The following CCR9 variants were observed in gnomAD, a reference collection of about 807,000 sequenced individuals.
CCR9 encodes C-C motif chemokine receptor 9.
A neutral mutation model predicts 8.7 loss-of-function variants in CCR9; 4 were observed. That is an observed-to-expected ratio of 0.46 (90% CI 0.23 to 1.06). CCR9 has a LOEUF of 1.06. Among genes scored for constraint, CCR9 ranks in the 50% least tolerant of loss-of-function variants. CCR9 has a pLI of 0.21. For synonymous variants in CCR9, 159 were observed against 168.8 expected (o/e 0.94, Z 0.45); for missense variants, 394 against 453.6 (o/e 0.87, Z 1.19).
At chr3:45,899,680 G>A (rs934249483) in intron 2 of CCR9, among the ~76,000 whole-genome samples, 1 of 152,176 alleles carries the variant, frequency 6.6e-6, no homozygotes, top group African/African-American at 2.4e-5. Context: ...AAGGAAACTG[G>A]TGGGAAGTGA....
chr3:45,887,274 T>TGA (rs1437934685), intron 1 of CCR9, among the ~76,000 whole-genome samples: 1 of 151,752 alleles, frequency 6.6e-6, no homozygotes, highest in Non-Finnish European at 1.5e-5. Flanking sequence ...TGTGTGTGTG[T>TGA]GAGGTTGTGT....
chr3:45,893,030 C>T (rs369139597), intron 1 of CCR9, among the ~76,000 whole-genome samples: 24 of 152,156 alleles, frequency 1.6e-4, no homozygotes, highest in East Asian at 9.6e-4. Flanking sequence ...TAAGTTCTGA[C>T]GTACATACAC....
At chr3:45,897,643 C>T in intron 2 of CCR9, 1 of 1,527,514 alleles carries the variant, frequency 6.5e-7, no homozygotes, top group Non-Finnish European at 8.8e-7. Flanking sequence ...CCAGGACTAA[C>T]ACAGCTAAGT....
At chr3:45,894,773 C>A in intron 1 of CCR9, 133 bp from the exon 2 acceptor site, 1 of 683,070 alleles carries the variant, frequency 1.5e-6, no homozygotes. Context: ...ACTATATAGA[C>A]TCTAACTCCT....
rs36040178 is a variant in CCR9 at position 45,887,251 on chromosome 3, CTGTGTGTG to C, written c.-29+613_-29+620del. 6.8e-3 allele frequency among the ~76,000 whole-genome samples: 1,010 copies of C among 149,214 alleles called. 13 individuals are homozygous for C. Among genetic ancestry groups the C allele is most frequent in the African/African-American group, 0.023 (950 of 40,706 alleles). On this transcript the variant is annotated intron_variant, in intron 1 of 2. Transcript: ENST00000357632. ...TCCTTTCTATTAAGTGCGTGTGTGT[CTGTGTGTG>C]TGTGTGTGTGTGTGTGAGGTTGTGT...
At chr3:45,890,497 A>AT (rs1157379129) in intron 1 of CCR9, among the ~76,000 whole-genome samples, 4 of 150,206 alleles carry the variant, frequency 2.7e-5, no homozygotes, top group Non-Finnish European at 4.4e-5. Context: ...GGGCAAAAAA[A>AT]AGAAGAGTAA....
rs199800584 is a variant in CCR9, at chr3:45,902,756, G to C, written c.*858G>C. 1 of 167,126 alleles carries C rather than the reference G, an allele frequency of 6.0e-6. No individual in the cohort carries two copies. The highest frequency in any genetic ancestry group is 1.5e-5 in the Non-Finnish European group (1 of 68,184). 10.4% of individuals were successfully genotyped at this position (167,126 alleles called of 1,614,324 possible). On this transcript the variant is annotated 3_prime_UTR_variant, in exon 3 of 3. Transcript: ENST00000357632. ...GAGTGGCACTTGCTTTGGGTCCACC[G>C]TCTGTCTGCTCCCTAGAAAATGGGC...
At chr3:45,898,854 G>C (rs973198827) in intron 2 of CCR9, among the ~76,000 whole-genome samples, 2 of 152,188 alleles carry the variant, frequency 1.3e-5, no homozygotes, top group Non-Finnish European at 2.9e-5. Flanking sequence ...TCTTTACTGT[G>C]CTAATGTGCA....
chr3:45,890,515 C>T (rs1425350480), intron 1 of CCR9, among the ~76,000 whole-genome samples: 1 of 150,352 alleles, frequency 6.7e-6, no homozygotes, highest in Non-Finnish European at 1.5e-5. Flanking sequence ...TAATGCTCAG[C>T]TCCAAAGTGG....
intron 1 of CCR9, among the ~76,000 whole-genome samples, chr3:45,889,227 C>T (rs1383763635): frequency 6.6e-6 from 1 of 152,112 alleles, no homozygotes; most frequent in East Asian, 1.9e-4. Flanking sequence ...TCAAGTGATG[C>T]TCCCACCTCA....
At position 45,901,705 on chromosome 3, in the gene CCR9, C is replaced by T; in HGVS notation, c.917C>T (p.Ala306Val). 1 of 1,614,182 alleles carries T rather than the reference C, an allele frequency of 6.2e-7. No individual in the cohort carries two copies. Among genetic ancestry groups the T allele is most frequent in the African/African-American group, 1.3e-5 (1 of 75,056 alleles). ...DICFQVTQTI[A>V]FFHSCLNPVL... ...TGCTTCCAGGTCACCCAGACCATCG[C>T]CTTCTTCCACAGTTGCCTGAACCCT... is the stretch of plus-strand genomic sequence containing the variant. Residue 306 changes from alanine (A) to valine (V), a missense_variant, in exon 3 of 3, where the codon GCC (alanine) becomes GTC (valine). Coordinates refer to ENST00000357632, the MANE Select transcript of CCR9 (RefSeq NM_031200.3). The surrounding 1 kb of genome is among the most constrained non-coding windows in gnomAD (Gnocchi z 4.3).
At chr3:45,899,162 G>A (rs1380993151) in intron 2 of CCR9, among the ~76,000 whole-genome samples, 1 of 152,208 alleles carries the variant, frequency 6.6e-6, no homozygotes, top group African/African-American at 2.4e-5. Flanking sequence ...GCAAAACTCC[G>A]TCTCAAAACA....
chr3:45,901,489 A>G lies in CCR9; in HGVS notation c.701A>G (p.Tyr234Cys), dbSNP rs753520925. Residue 234 changes from tyrosine (Y) to cysteine (C), a missense_variant, in exon 3 of 3, where the codon TAT becomes TGT. Coordinates refer to ENST00000357632, the MANE Select transcript of CCR9 (RefSeq NM_031200.3). The surrounding 1 kb of genome is among the most constrained non-coding windows in gnomAD (Gnocchi z 4.3). ...CCCTTCGTGGTCATGGCTTGCTGCT[A>G]TACCATCATCATTCACACCCTGATA... is the stretch of plus-strand genomic sequence containing the variant. The part of the protein sequence containing the change: ...FLPFVVMACC[Y>C]TIIIHTLIQA... 6 of 1,614,132 alleles carry G rather than the reference A, an allele frequency of 3.7e-6. No individual in the cohort carries two copies. Among genetic ancestry groups the G allele is most frequent in the Admixed American group, 1.7e-5 (1 of 60,022 alleles).
chr3:45,900,716 G>A lies in CCR9; in HGVS notation c.22-94G>A. The A allele has an allele frequency of 7.8e-7, 1 of 1,282,168 alleles. No homozygotes were observed. The highest frequency in any genetic ancestry group is 1.1e-6 in the Non-Finnish European group (1 of 926,594). 79.4% of individuals were successfully genotyped at this position (1,282,168 alleles called of 1,614,324 possible). Reference sequence around the variant, plus strand: ...TCTTTGGCCTTATCATAGGTGTTTGGGGTTGGAAGGGTCAAGAGGTCCATG... The same window carrying A: ...TCTTTGGCCTTATCATAGGTGTTTGAGGTTGGAAGGGTCAAGAGGTCCATG... On this transcript the variant is annotated intron_variant, in intron 2 of 2. Coordinates refer to ENST00000357632, the MANE Select transcript of CCR9 (RefSeq NM_031200.3). This position sits in a 1 kb window ranked among gnomAD's most constrained non-coding sequence, Gnocchi z 4.7.
At chr3:45,887,978 T>C (rs528717021) in intron 1 of CCR9, among the ~76,000 whole-genome samples, 1 of 152,350 alleles carries the variant, frequency 6.6e-6, no homozygotes, top group East Asian at 1.9e-4. Flanking sequence ...AGTATCTGAT[T>C]TGATGTTAGT....
At chr3:45,894,525 A>G (rs1027095103) in intron 1 of CCR9, among the ~76,000 whole-genome samples, 2 of 152,224 alleles carry the variant, frequency 1.3e-5, no homozygotes, top group Non-Finnish European at 2.9e-5. Flanking sequence ...AGGACTTGAC[A>G]GACAAGCTGA....
At position 45,890,352 on chromosome 3, in the gene CCR9, T is replaced by TATATATATATATAAC. The variant is rs1559421683; in HGVS notation, c.-29+3705_-29+3719dup. ...ATATATATAACATATATATATAACA[T>TATATATATATATAAC]ATATATATATATAACATATATAAAG... is the stretch of plus-strand genomic sequence containing the variant. On this transcript the variant is annotated intron_variant, in intron 1 of 2. Transcript: ENST00000357632. Among the ~76,000 whole-genome samples, 11 of 16,170 alleles carry TATATATATATATAAC rather than the reference T, an allele frequency of 6.8e-4. 3 individuals carry two copies. Among genetic ancestry groups the TATATATATATATAAC allele is most frequent in the African/African-American group, 2.7e-3 (11 of 4,032 alleles). 10.6% of individuals were successfully genotyped at this position (16,170 alleles called of 152,430 possible).
intron 1 of CCR9, among the ~76,000 whole-genome samples, chr3:45,889,426 G>A (rs1026010896): frequency 6.6e-6 from 1 of 152,146 alleles, no homozygotes; most frequent in African/African-American, 2.4e-5. Context: ...CAGGCTACAA[G>A]TTCCTCCTCT....
At chr3:45,887,006 C>T (rs1333570455) in intron 1 of CCR9, among the ~76,000 whole-genome samples, 1 of 152,068 alleles carries the variant, frequency 6.6e-6, no homozygotes, top group Non-Finnish European at 1.5e-5. Context: ...TGAGACACTG[C>T]CCCATGGAAA....
Sources: gnomAD v4.1 joint callset for allele counts (sites outside exome capture counted in the v4.1 genomes callset) on GRCh38, gnomAD v4.1.1 for gene constraint, Gnocchi (gnomAD v3.1) non-coding constraint, MANE v1.5 for transcripts, NCBI Gene and HGNC (gene_info 2026-07-23, HGNC 2026-07-21) for gene names.